SETBP1: variants seen among roughly 807,000 people sequenced by gnomAD.
SETBP1 encodes the protein SET binding protein 1.
SETBP1 carries 9 observed loss-of-function variants against 101.0 expected under a neutral mutation model. That is an observed-to-expected ratio of 0.09 (90% CI 0.05 to 0.16). SETBP1 has a LOEUF of 0.16. Among genes scored for constraint, SETBP1 ranks in the 10% least tolerant of loss-of-function variants. The pLI, the probability that SETBP1 is intolerant of heterozygous loss-of-function variation, is 1.00. For missense variants in SETBP1, 1,858 were observed against 2,033.8 expected (o/e 0.91, Z 1.66); for synonymous variants, 818 against 788.5 (o/e 1.04, Z -0.63).
chr18:45,034,289 G>A (rs917586620), intron 4 of SETBP1, among the ~76,000 whole-genome samples: 2 of 152,260 alleles, frequency 1.3e-5, no homozygotes, highest in East Asian at 1.9e-4. Context: ...TAACCTGGCC[G>A]CTAGATGCAG....
At position 45,037,922 on chromosome 18, in the gene SETBP1, C is replaced by T. The variant is rs1263351398; in HGVS notation, c.4001-563C>T. 3.3e-5 allele frequency among the ~76,000 whole-genome samples: 5 copies of T among 152,250 alleles called. No individual in the cohort carries two copies. The East Asian group carries it at 9.7e-4, about 29-fold the overall frequency. On this transcript the variant is annotated intron_variant, in intron 4 of 5. Coordinates refer to ENST00000649279, the MANE Select transcript of SETBP1 (RefSeq NM_015559.3). ...TTAGCCTATGCCCTTACTGAAAATGCCTTTCCTTCATCCTTGAAGCTTCAG... is the reference window on the plus strand; with the variant it reads ...TTAGCCTATGCCCTTACTGAAAATGTCTTTCCTTCATCCTTGAAGCTTCAG...
chr18:44,990,725 C>G (rs1336975787), intron 4 of SETBP1, among the ~76,000 whole-genome samples: 2 of 151,514 alleles, frequency 1.3e-5, no homozygotes, highest in Admixed American at 6.6e-5. Context: ...ATTTGTAATA[C>G]TAGGAATAGC....
At chr18:44,961,152 G>C (rs567497264) in intron 4 of SETBP1, among the ~76,000 whole-genome samples, 1 of 152,282 alleles carries the variant, frequency 6.6e-6, no homozygotes, top group African/African-American at 2.4e-5. Context: ...TGGAAGAGAT[G>C]ACCTGGCAAC....
At chr18:44,992,074 A>C (rs892339049) in intron 4 of SETBP1, among the ~76,000 whole-genome samples, 1 of 152,170 alleles carries the variant, frequency 6.6e-6, no homozygotes, top group Non-Finnish European at 1.5e-5. Context: ...AAAACACAAC[A>C]TGTCAAAACA....
rs943048203 is a variant in SETBP1 at position 44,940,588 on chromosome 18, A to C, written c.541-9293A>C. On this transcript the variant is annotated intron_variant, in intron 3 of 5. Coordinates refer to ENST00000649279, the MANE Select transcript of SETBP1 (RefSeq NM_015559.3). ...GCGTACCCTTAAAATATTACAGTCT[A>C]CTTTGAACTAATATTACATCCCTTC... 2.0e-5 allele frequency among the ~76,000 whole-genome samples: 3 copies of C among 152,130 alleles called. No individual in the cohort carries two copies. In the South Asian group the frequency reaches 6.2e-4, roughly 32 times the overall value.
At chr18:44,857,578 G>A (rs1470069307) in intron 2 of SETBP1, among the ~76,000 whole-genome samples, 1 of 152,054 alleles carries the variant, frequency 6.6e-6, no homozygotes, top group Non-Finnish European at 1.5e-5. Context: ...TAAAGGGTTT[G>A]GGCATGTGAT....
At chr18:44,929,544 A>G (rs1040283746) in intron 3 of SETBP1, among the ~76,000 whole-genome samples, 18 of 152,266 alleles carry the variant, frequency 1.2e-4, no homozygotes, top group African/African-American at 4.3e-4. Context: ...CATTCTCACG[A>G]TATTGATTCT....
intron 3 of SETBP1, among the ~76,000 whole-genome samples, chr18:44,905,052 G>T (rs2070141146): frequency 6.6e-6 from 1 of 152,144 alleles, no homozygotes; most frequent in Admixed American, 6.6e-5. Flanking sequence ...AAATGCAACA[G>T]ATCAAAGGAA....
intron 1 of SETBP1, among the ~76,000 whole-genome samples, chr18:44,683,951 A>G (rs1331744761): frequency 6.6e-6 from 1 of 152,232 alleles, no homozygotes; most frequent in Non-Finnish European, 1.5e-5. Flanking sequence ...AGTGCTTTAA[A>G]AATGGGATGG....
chr18:44,895,169 GA>G (rs1326100515), intron 3 of SETBP1, among the ~76,000 whole-genome samples: 1 of 113,546 alleles, frequency 8.8e-6, no homozygotes, highest in Non-Finnish European at 1.9e-5. Flanking sequence ...GAAGGGAAGG[GA>G]AGAGGAGGGG....
At chr18:44,789,081 G>A (rs1193629388) in intron 2 of SETBP1, among the ~76,000 whole-genome samples, 3 of 152,140 alleles carry the variant, frequency 2.0e-5, no homozygotes, top group Non-Finnish European at 4.4e-5. Flanking sequence ...GGGATTACAA[G>A]TGTGAGCCAC....
At chr18:44,863,397 G>C (rs2069057179) in intron 2 of SETBP1, among the ~76,000 whole-genome samples, 1 of 152,210 alleles carries the variant, frequency 6.6e-6, no homozygotes, top group Admixed American at 6.5e-5. Context: ...TTACAATGGA[G>C]AGTGTGGGGC....
chr18:44,727,894 A>G (rs1262078819), intron 2 of SETBP1, among the ~76,000 whole-genome samples: 1 of 152,118 alleles, frequency 6.6e-6, no homozygotes, highest in Non-Finnish European at 1.5e-5. Context: ...TGTGCTAGAG[A>G]GTTAGTGACA....
rs561765632 is a variant in SETBP1 at position 45,020,330 on chromosome 18, C to T, written c.4001-18155C>T. ...CCTCGAAGGCAACACTAGGGCATGT[C>T]CTTCTGAGTCACTTTTACTATGAGG... On this transcript the variant is annotated intron_variant, in intron 4 of 5. Coordinates refer to ENST00000649279, the MANE Select transcript of SETBP1 (RefSeq NM_015559.3). 1.6e-3 allele frequency among the ~76,000 whole-genome samples: 240 copies of T among 146,098 alleles called. 1 individual carries two copies. Among genetic ancestry groups the T allele is most frequent in the Non-Finnish European group, 2.9e-3 (193 of 66,984 alleles).
intron 4 of SETBP1, among the ~76,000 whole-genome samples, chr18:44,994,370 T>C (rs1045461871): frequency 6.6e-6 from 1 of 152,160 alleles, no homozygotes; most frequent in Non-Finnish European, 1.5e-5. Flanking sequence ...AAAATGGAAA[T>C]CTGTGAATAC....
chr18:44,844,565 C>T (rs959939735), intron 2 of SETBP1, among the ~76,000 whole-genome samples: 9 of 152,154 alleles, frequency 5.9e-5, no homozygotes, highest in Non-Finnish European at 1.3e-4. Context: ...TTAATAAGGC[C>T]AGAGCTGGGA....
intron 2 of SETBP1, among the ~76,000 whole-genome samples, chr18:44,767,544 C>A (rs763628124): frequency 6.6e-6 from 1 of 152,180 alleles, no homozygotes; most frequent in Non-Finnish European, 1.5e-5. Flanking sequence ...AACTCCTTAC[C>A]TCCTTAAGAT....
chr18:44,999,628 C>T (rs11874758), intron 4 of SETBP1, among the ~76,000 whole-genome samples: 2,387 of 152,258 alleles, frequency 0.016, 50 homozygotes, highest in African/African-American at 0.054. Context: ...TAACTCGCAA[C>T]GACCCTTCTT....
chr18:44,811,535 A>G (rs1023939782), intron 2 of SETBP1, among the ~76,000 whole-genome samples: 2 of 152,278 alleles, frequency 1.3e-5, no homozygotes. Flanking sequence ...GCTGCTGTGC[A>G]GTCATATGAC....
Sources: allele counts gnomAD v4.1 joint callset (sites outside exome capture counted in the v4.1 genomes callset), GRCh38; gene constraint gnomAD v4.1.1; transcripts MANE v1.5; gene names NCBI Gene and HGNC (gene_info 2026-07-23, HGNC 2026-07-21).